The following MAGI2 variants were observed in gnomAD, a reference collection of about 807,000 sequenced individuals.
MAGI2 encodes membrane-associated guanylate kinase, WW and PDZ domain-containing protein 2.
Under a neutral mutation model 133.3 loss-of-function variants are expected in MAGI2, and 35 were observed. The observed-to-expected ratio is 0.26, with a 90% confidence interval of 0.20 to 0.35. MAGI2 has a LOEUF of 0.35. Ranked by LOEUF, MAGI2 falls within the 10% of genes least tolerant of loss-of-function variation. The pLI is 1.00. For synonymous variants in MAGI2, 729 were observed against 710.6 expected (o/e 1.03, Z -0.41); for missense variants, 1,636 against 1,863.4 (o/e 0.88, Z 2.25).
chr7:78,250,384 T>C (rs1203419897), intron 10 of MAGI2, among the ~76,000 whole-genome samples: 1 of 152,122 alleles, frequency 6.6e-6, no homozygotes, highest in African/African-American at 2.4e-5. Flanking sequence ...TTATGGAATT[T>C]AGCTAAAGAA....
Position 78,627,141 on chromosome 7 carries a change from G to C in MAGI2, c.517C>G (p.Leu173Val), listed in dbSNP as rs535775464. ...FMELEKSGAL[L>V]ESGTYEDNYY... is the part of the protein sequence containing the mutation. Reference sequence around the variant, plus strand: ...TTACCTTCATAAGTCCCACTTTCTAGGAGAGCACCACTTTTCTCCAATTCC... The same window carrying C: ...TTACCTTCATAAGTCCCACTTTCTACGAGAGCACCACTTTTCTCCAATTCC... Residue 173 changes from leucine to valine, a missense_variant, in exon 3 of 22, where the codon CTA (leucine) becomes GTA (valine). Physicochemically the swap from Leu to Val is conservative, Grantham distance 32. Coordinates refer to ENST00000354212, the MANE Select transcript of MAGI2 (RefSeq NM_012301.4). 6.3e-7 allele frequency: 1 copy of C among 1,595,862 alleles called. No individual in the cohort carries two copies. The highest frequency in any genetic ancestry group is 1.4e-5 in the African/African-American group (1 of 73,828).
chr7:79,245,475 C>G (rs1015690000), intron 1 of MAGI2, among the ~76,000 whole-genome samples: 7 of 152,308 alleles, frequency 4.6e-5, no homozygotes, highest in Admixed American at 2.6e-4. Flanking sequence ...CTTGAATGAA[C>G]ATTGGCAGTA....
chr7:79,069,870 G>A (rs1294869581), intron 1 of MAGI2, among the ~76,000 whole-genome samples: 1 of 152,140 alleles, frequency 6.6e-6, no homozygotes, highest in Non-Finnish European at 1.5e-5. Context: ...ATGAAGCTTA[G>A]TTTGGATGGA....
intron 12 of MAGI2, among the ~76,000 whole-genome samples, chr7:78,190,668 A>G (rs1828119177): frequency 6.6e-6 from 1 of 152,174 alleles, no homozygotes; most frequent in Admixed American, 6.6e-5. Flanking sequence ...AGTCACACAT[A>G]GAGAAAGAAG....
intron 6 of MAGI2, among the ~76,000 whole-genome samples, chr7:78,388,364 GT>G (rs1357303440): frequency 1.3e-5 from 2 of 152,142 alleles, no homozygotes; most frequent in African/African-American, 4.8e-5. Context: ...TGATGGAATA[GT>G]GAATGATGAA....
chr7:79,042,294 C>CT (rs1361065701), intron 1 of MAGI2, among the ~76,000 whole-genome samples: 4 of 152,020 alleles, frequency 2.6e-5, no homozygotes, highest in Non-Finnish European at 5.9e-5. Context: ...ATTTCTGTGT[C>CT]TTTTTTGATT....
At chr7:78,636,677 A>T (rs2150978352) in intron 2 of MAGI2, among the ~76,000 whole-genome samples, 2 of 152,282 alleles carry the variant, frequency 1.3e-5, no homozygotes, top group African/African-American at 4.8e-5. Flanking sequence ...GGGCGCCTGT[A>T]GTCCCAGCTA....
intron 1 of MAGI2, among the ~76,000 whole-genome samples, chr7:79,401,711 C>A (rs191032419): frequency 1.2e-3 from 187 of 152,180 alleles, no homozygotes; most frequent in Non-Finnish European, 2.3e-3. Context: ...TGGTATTCTA[C>A]TGTAAACATG....
rs2150648579 is a variant in MAGI2, at chr7:78,169,423, C to T, written c.2404-1315G>A. On this transcript the variant is annotated intron_variant, in intron 14 of 21. Coordinates refer to ENST00000354212, the MANE Select transcript of MAGI2 (RefSeq NM_012301.4). ...GGCATAATAATTTCTTTCAAATCCC[C>T]TATCTGTGAATTCCAGCTAATTTGC... 2.5e-5 allele frequency among the ~76,000 whole-genome samples: 3 copies of T among 120,564 alleles called. No individual in the cohort carries two copies. In the South Asian group the frequency reaches 8.1e-4, roughly 32 times the overall value. The allele number at this position is 120,564 out of a possible 152,430, so 79.1% of individuals were successfully genotyped here.
intron 2 of MAGI2, among the ~76,000 whole-genome samples, chr7:78,819,708 A>C (rs1789921409): frequency 6.6e-6 from 1 of 152,064 alleles, no homozygotes; most frequent in African/African-American, 2.4e-5. Context: ...TAAATGATCT[A>C]GGACATACGT....
intron 3 of MAGI2, among the ~76,000 whole-genome samples, chr7:78,609,901 A>G (rs997403701): frequency 6.6e-6 from 1 of 152,024 alleles, no homozygotes. Flanking sequence ...GAGGAGCCCA[A>G]AGTTTCCAGG....
intron 2 of MAGI2, among the ~76,000 whole-genome samples, chr7:78,978,048 G>T (rs888178407): frequency 6.6e-6 from 1 of 151,800 alleles, no homozygotes. Context: ...ATGTGGAACA[G>T]CAGTAACACT....
intron 9 of MAGI2, among the ~76,000 whole-genome samples, chr7:78,313,109 A>G (rs997056555): frequency 4.6e-5 from 7 of 152,038 alleles, no homozygotes; most frequent in Non-Finnish European, 1.0e-4. Flanking sequence ...GTCAAATACT[A>G]CATGTTCTGA....
At chr7:78,417,401 T>A (rs777269647) in intron 6 of MAGI2, among the ~76,000 whole-genome samples, 42 of 152,110 alleles carry the variant, frequency 2.8e-4, no homozygotes, top group Admixed American at 9.2e-4. Context: ...CATTCACAGA[T>A]CTCTCTGATA....
At chr7:78,029,887 G>A (rs922968804) in intron 21 of MAGI2, among the ~76,000 whole-genome samples, 2 of 152,200 alleles carry the variant, frequency 1.3e-5, no homozygotes, top group East Asian at 1.9e-4. Flanking sequence ...TGAAGTAAGG[G>A]GGTTGGAAGC....
intron 2 of MAGI2, among the ~76,000 whole-genome samples, chr7:78,689,446 G>C (rs1422293935): frequency 6.6e-6 from 1 of 152,000 alleles, no homozygotes; most frequent in Non-Finnish European, 1.5e-5. Context: ...TAAATAAAAT[G>C]CTCCAAGTTT....
At chr7:78,721,139 T>C (rs1456272762) in intron 2 of MAGI2, among the ~76,000 whole-genome samples, 3 of 152,052 alleles carry the variant, frequency 2.0e-5, no homozygotes, top group African/African-American at 7.2e-5. Flanking sequence ...ATAGGAAATC[T>C]ATGTATTCTG....
chr7:78,699,721 A>G (rs1817875049), intron 2 of MAGI2, among the ~76,000 whole-genome samples: 1 of 152,180 alleles, frequency 6.6e-6, no homozygotes. Context: ...TTAAGTCAGT[A>G]TCTTGTGGCT....
At chr7:78,552,769 G>A (rs1799462320) in intron 3 of MAGI2, among the ~76,000 whole-genome samples, 1 of 152,106 alleles carries the variant, frequency 6.6e-6, no homozygotes, top group South Asian at 2.1e-4. Flanking sequence ...CTGAGCCAAA[G>A]AGAAACATGA....
Sources: gnomAD v4.1 joint callset for allele counts (sites outside exome capture counted in the v4.1 genomes callset) on GRCh38, gnomAD v4.1.1 for gene constraint, MANE v1.5 for transcripts, NCBI Gene and HGNC (gene_info 2026-07-23, HGNC 2026-07-21) for gene names.